The following MORC3 variants were observed in gnomAD, a reference collection of about 807,000 sequenced individuals.
MORC3 encodes the protein MORC family CW-type zinc finger 3, also known as MORC family CW-type zinc finger protein 3.
In MORC3, 31 loss-of-function variants were observed where a neutral mutation model predicts 109.1. That is an observed-to-expected ratio of 0.28 (90% confidence interval 0.21 to 0.38). The LOEUF (loss-of-function observed/expected upper bound fraction) is 0.38. Among genes scored for constraint, MORC3 ranks in the 10% least tolerant of loss-of-function variants. MORC3 has a pLI of 1.00. For missense variants in MORC3, 867 were observed against 1,135.8 expected (o/e 0.76, Z 3.40); for synonymous variants, 395 against 380.7 (o/e 1.04, Z -0.44).
At chr21:36,348,689 G>A (rs1364091235) in intron 8 of MORC3, among the ~76,000 whole-genome samples, 1 of 152,182 alleles carries the variant, frequency 6.6e-6, no homozygotes, top group Non-Finnish European at 1.5e-5. Flanking sequence ...GATTACAGGC[G>A]TGAGCCATCG....
intron 1 of MORC3, among the ~76,000 whole-genome samples, chr21:36,328,218 A>G (rs917543362): frequency 6.6e-6 from 1 of 151,870 alleles, no homozygotes; most frequent in African/African-American, 2.4e-5. Flanking sequence ...ATTTGATATG[A>G]TCAAAAATGT....
At position 36,325,000 on chromosome 21, in the gene MORC3, C is replaced by T. The variant is rs147618082; in HGVS notation, c.39+4697C>T. The stretch of plus-strand genomic sequence containing the variant: ...CTGGGATTACAGGCGTGAGCCACCG[C>T]GCCTGGCAGCCTTCTCACATTTTTA... On this transcript the variant is annotated intron_variant, in intron 1 of 16. Coordinates refer to ENST00000400485, the MANE Select transcript of MORC3 (RefSeq NM_015358.3). Among the ~76,000 whole-genome samples the T allele has an allele frequency of 3.1e-3, 478 of 152,210 alleles. 6 individuals carry two copies. The highest frequency in any genetic ancestry group is 0.011 in the African/African-American group (457 of 41,536).
chr21:36,360,143 G>T (rs754897592), intron 11 of MORC3, 41 bp from the exon 12 acceptor site: 23 of 1,613,790 alleles, frequency 1.4e-5, no homozygotes, highest in Non-Finnish European at 1.8e-5. Flanking sequence ...GTATGAATAG[G>T]CGCTGGTGAC....
At chr21:36,345,746 G>A (rs1236813280) in intron 8 of MORC3, among the ~76,000 whole-genome samples, 2 of 152,136 alleles carry the variant, frequency 1.3e-5, no homozygotes, top group Non-Finnish European at 1.5e-5. Flanking sequence ...TAGTAGAGAC[G>A]AGGTTTCACC....
intron 1 of MORC3, among the ~76,000 whole-genome samples, chr21:36,332,172 C>G (rs1218282945): frequency 6.6e-6 from 1 of 151,942 alleles, no homozygotes; most frequent in Non-Finnish European, 1.5e-5. Context: ...TGGTGGCTTA[C>G]ACCTGTAATC....
At chr21:36,367,605 A>T (rs1324096453) in intron 14 of MORC3, among the ~76,000 whole-genome samples, 1 of 152,228 alleles carries the variant, frequency 6.6e-6, no homozygotes, top group African/African-American at 2.4e-5. Context: ...GGACGTAGGC[A>T]CTGGTATGGT....
chr21:36,368,988 C>G lies in MORC3; in HGVS notation c.1620C>G (p.Ser540Arg), dbSNP rs199519023. The G allele has an allele frequency of 8.8e-6, 14 of 1,596,640 alleles. No homozygotes were observed. In the East Asian group the frequency reaches 3.1e-4, roughly 36 times the overall value. The part of the protein sequence containing the change: ...VPPQSEPESN[S>R]LKRRLSTRSS... ...GTTTTATGTATAAAATTTTTTTCAG[C>G]TTGAAACGGAGACTTTCTACTCGTT... Residue 540 changes from serine (S) to arginine (R), a missense_variant and splice_region_variant, in exon 15 of 17, where the codon AGC becomes AGG. Physicochemically the swap from Ser to Arg is moderately radical, Grantham distance 110 (BLOSUM62 -1). Transcript: ENST00000400485.
chr21:36,329,619 C>T (rs2085291160), intron 1 of MORC3, among the ~76,000 whole-genome samples: 1 of 152,194 alleles, frequency 6.6e-6, no homozygotes, highest in African/African-American at 2.4e-5. Flanking sequence ...TCCTTCTCAG[C>T]CAGGGCACTC....
rs71326674 is a variant in MORC3 at position 36,327,155 on chromosome 21, CTTTTTTTTTT to C, written c.40-6473_40-6464del. ...TTAAAGATATTAATTGGCTTTATTT[CTTTTTTTTTT>C]TTTTTTTTTTTTTTTTTGAGACAGA... On this transcript the variant is annotated intron_variant, in intron 1 of 16. Transcript: ENST00000400485. 3.8e-3 allele frequency among the ~76,000 whole-genome samples: 308 copies of C among 81,942 alleles called. 4 individuals carry two copies. Among genetic ancestry groups the C allele is most frequent in the African/African-American group, 0.016 (284 of 17,848 alleles). The allele number at this position is 81,942 out of a possible 152,430, so 53.8% of individuals were successfully genotyped here.
intron 13 of MORC3, among the ~76,000 whole-genome samples, chr21:36,363,887 A>G (rs2085747684): frequency 6.6e-6 from 1 of 152,220 alleles, no homozygotes; most frequent in Non-Finnish European, 1.5e-5. Context: ...CCTTTTAAAA[A>G]TACAAAGCCA....
intron 9 of MORC3, among the ~76,000 whole-genome samples, chr21:36,352,414 GAAAAGGAA>G (rs2085583359): frequency 6.6e-6 from 1 of 151,866 alleles, no homozygotes; most frequent in Non-Finnish European, 1.5e-5. Flanking sequence ...GGGGCAGGTT[GAAAAGGAA>G]GACATAAAGC....
At chr21:36,372,317 T>C in intron 15 of MORC3, 57 bp from the exon 16 acceptor site, 1 of 1,429,246 alleles carries the variant, frequency 7.0e-7, no homozygotes, top group Non-Finnish European at 9.3e-7. Flanking sequence ...GAAATTTCAC[T>C]TTGCCATTAG....
chr21:36,362,256 T>A, intron 13 of MORC3, 28 bp downstream of exon 13: 1 of 1,591,948 alleles, frequency 6.3e-7, no homozygotes, highest in Admixed American at 1.8e-5. Flanking sequence ...TTTTTTTTTT[T>A]TTTTAAATAG....
intron 2 of MORC3, 49 bp downstream of exon 2, chr21:36,333,767 GTT>G (rs367762969): frequency 4.7e-5 from 43 of 912,140 alleles, no homozygotes; most frequent in Non-Finnish European, 6.3e-5. Context: ...CAATTGTAGT[GTT>G]TTTTTTTTTG....
In MORC3 at chr21:36,376,031, A is replaced by G. The variant is rs943941359; in HGVS notation, c.*735A>G. The G allele has an allele frequency of 2.6e-5, 4 of 152,260 alleles. No homozygotes were observed. The highest frequency in any genetic ancestry group is 9.6e-5 in the African/African-American group (4 of 41,468). The allele number at this position is 152,260 out of a possible 1,614,324, so 9.4% of individuals were successfully genotyped here. A position where few individuals can be genotyped will look rare whatever the true frequency, so the allele number is the denominator to read the frequency against. ...GCCCATTTTTGGCTGTTTAGTCAGC[A>G]TGAAGTGGGCATGATAATTTTTTAA... On this transcript the variant is annotated 3_prime_UTR_variant, in exon 17 of 17. Transcript: ENST00000400485.
chr21:36,333,254 A>C (rs1249087020), intron 1 of MORC3, among the ~76,000 whole-genome samples: 1 of 152,216 alleles, frequency 6.6e-6, no homozygotes, highest in East Asian at 1.9e-4. Flanking sequence ...CACGTAGGAG[A>C]AAGTGCCTCC....
At chr21:36,359,581 T>G (rs2085689316) in intron 10 of MORC3, among the ~76,000 whole-genome samples, 4 of 74,588 alleles carry the variant, frequency 5.4e-5, no homozygotes, top group Non-Finnish European at 7.1e-5. Flanking sequence ...TTTTTTTTTT[T>G]GACAGGATCT....
chr21:36,358,218 C>G (rs930061808), intron 10 of MORC3, among the ~76,000 whole-genome samples: 1 of 151,378 alleles, frequency 6.6e-6, no homozygotes, highest in Admixed American at 6.6e-5. Context: ...AACCCTGTCT[C>G]TACTGAAAAT....
intron 6 of MORC3, 146 bp downstream of exon 6, chr21:36,341,692 C>A: frequency 1.8e-6 from 2 of 1,089,636 alleles, no homozygotes; most frequent in South Asian, 1.5e-5. Flanking sequence ...CTGGCCCACT[C>A]AGCCTGGGCA....
Sources: allele counts gnomAD v4.1 joint callset (sites outside exome capture counted in the v4.1 genomes callset), GRCh38; gene constraint gnomAD v4.1.1; transcripts MANE v1.5; gene names NCBI Gene and HGNC (gene_info 2026-07-23, HGNC 2026-07-21).